PLPPR5: variants seen among roughly 807,000 people sequenced by gnomAD.
PLPPR5 encodes the protein phospholipid phosphatase-related protein type 5.
Under a neutral mutation model 33.9 loss-of-function variants are expected in PLPPR5, and 16 were observed. The ratio of observed to expected loss-of-function variants is 0.47; its 90% CI spans 0.32 to 0.72. PLPPR5 has a LOEUF of 0.72. Ranked by LOEUF, PLPPR5 falls within the 30% of genes least tolerant of loss-of-function variation. The pLI is 0.03. For missense variants in PLPPR5, 301 were observed against 406.7 expected (o/e 0.74, Z 2.23); for synonymous variants, 163 against 150.3 (o/e 1.08, Z -0.62).
chr1:98,908,315 C>T (rs1189732116), intron 5 of PLPPR5, among the ~76,000 whole-genome samples: 1 of 151,556 alleles, frequency 6.6e-6, no homozygotes, highest in Non-Finnish European at 1.5e-5. Context: ...AGTCAAAATG[C>T]CAAAAAAAAT....
intron 1 of PLPPR5, among the ~76,000 whole-genome samples, chr1:98,980,529 T>G (rs1652027027): frequency 6.6e-6 from 1 of 152,122 alleles, no homozygotes; most frequent in African/African-American, 2.4e-5. Context: ...ACCAAGCACA[T>G]TTAATCCTTA....
chr1:98,990,158 C>G (rs1171410281), intron 1 of PLPPR5, among the ~76,000 whole-genome samples: 1 of 152,096 alleles, frequency 6.6e-6, no homozygotes, highest in African/African-American at 2.4e-5. Context: ...TACCTGAGAT[C>G]AGGAGTTTGA....
At chr1:98,933,734 T>C (rs992653469) in intron 3 of PLPPR5, among the ~76,000 whole-genome samples, 6 of 151,926 alleles carry the variant, frequency 3.9e-5, no homozygotes, top group African/African-American at 1.5e-4. Flanking sequence ...CCAGAGAATG[T>C]TGGTTGATTT....
intron 5 of PLPPR5, among the ~76,000 whole-genome samples, chr1:98,904,811 G>C (rs1446393311): frequency 6.6e-6 from 1 of 152,184 alleles, no homozygotes; most frequent in Admixed American, 6.5e-5. Flanking sequence ...CGTGAAGAAA[G>C]AACAGGGAAA....
At chr1:98,893,911 AT>A (rs1312158184) in intron 5 of PLPPR5, among the ~76,000 whole-genome samples, 1 of 151,928 alleles carries the variant, frequency 6.6e-6, no homozygotes, top group Non-Finnish European at 1.5e-5. Flanking sequence ...TTTGCATTGG[AT>A]TTTTATAACA....
intron 1 of PLPPR5, among the ~76,000 whole-genome samples, chr1:98,978,980 G>T (rs188673895): frequency 8.0e-4 from 122 of 152,000 alleles, no homozygotes; most frequent in African/African-American, 2.8e-3. Flanking sequence ...TTGCTAAAAC[G>T]CATGTTCTCA....
intron 2 of PLPPR5, among the ~76,000 whole-genome samples, chr1:98,953,814 C>A (rs541928779): frequency 2.0e-5 from 3 of 152,290 alleles, no homozygotes; most frequent in African/African-American, 7.2e-5. Context: ...TGCCAATTAG[C>A]AGTAAATCCA....
chr1:98,903,165 T>C (rs1648760418), intron 5 of PLPPR5, among the ~76,000 whole-genome samples: 1 of 152,138 alleles, frequency 6.6e-6, no homozygotes, highest in South Asian at 2.1e-4. Context: ...GAACACAGTA[T>C]AGCATGTAAA....
At chr1:98,953,029 A>G (rs940167810) in intron 3 of PLPPR5, 41 bp downstream of exon 3, 1 of 1,605,762 alleles carries the variant, frequency 6.2e-7, no homozygotes, top group African/African-American at 1.3e-5. Context: ...AAAATTAACA[A>G]TAATACAGAC....
intron 3 of PLPPR5, among the ~76,000 whole-genome samples, chr1:98,949,428 C>A (rs1410737839): frequency 6.6e-6 from 1 of 152,136 alleles, no homozygotes; most frequent in Admixed American, 6.6e-5. Flanking sequence ...AAACATATTT[C>A]TCAGTTATTA....
At chr1:98,986,825 T>C (rs1224002785) in intron 1 of PLPPR5, among the ~76,000 whole-genome samples, 1 of 151,728 alleles carries the variant, frequency 6.6e-6, no homozygotes, top group Admixed American at 6.6e-5. Context: ...TCTTGGAGAG[T>C]TGATCTGCTC....
intron 3 of PLPPR5, among the ~76,000 whole-genome samples, chr1:98,937,240 T>G (rs1337977685): frequency 6.6e-6 from 1 of 152,180 alleles, no homozygotes; most frequent in Non-Finnish European, 1.5e-5. Context: ...CTAAGCAGTG[T>G]CAGTGATAAC....
rs373716559 is a variant in PLPPR5 at position 99,004,660 on chromosome 1, C to T, written c.12G>A (p.Leu4=). The change falls in exon 1 of 6, where the codon CTG becomes CTA. Residue 4 remains leucine, a synonymous_variant. Transcript: ENST00000263177. ...GCATGCTGCTGGTGAGCGCCGCGGG[C>T]AGCAGGGGCATGCACGCCTCCCGGG... MPL[L]PAALTSSMLY... is the part of the protein sequence containing the mutation. 1 of 1,610,422 alleles carries T rather than the reference C, an allele frequency of 6.2e-7. No homozygotes were observed. The highest frequency in any genetic ancestry group is 2.2e-5 in the East Asian group (1 of 44,512).
intron 5 of PLPPR5, among the ~76,000 whole-genome samples, chr1:98,914,523 G>A (rs1176148996): frequency 6.6e-6 from 1 of 152,130 alleles, no homozygotes; most frequent in African/African-American, 2.4e-5. Context: ...CTGGTTTCAA[G>A]TGATCTGCCT....
intron 1 of PLPPR5, among the ~76,000 whole-genome samples, chr1:98,976,115 G>T (rs1018905768): frequency 4.6e-5 from 4 of 87,132 alleles, no homozygotes; most frequent in Non-Finnish European, 6.9e-5. Context: ...AAAAAAAAAA[G>T]CCTAAATGAT....
At chr1:99,002,224 C>T (rs537761138) in intron 1 of PLPPR5, among the ~76,000 whole-genome samples, 14 of 152,056 alleles carry the variant, frequency 9.2e-5, no homozygotes, top group Non-Finnish European at 1.6e-4. Flanking sequence ...CCAAACCTAC[C>T]ACTTCCTTCT....
intron 1 of PLPPR5, among the ~76,000 whole-genome samples, chr1:98,994,268 G>C (rs1652558604): frequency 6.6e-6 from 1 of 151,976 alleles, no homozygotes; most frequent in Non-Finnish European, 1.5e-5. Flanking sequence ...AGGGCAGCAA[G>C]AATGGAAGCA....
chr1:98,948,700 G>A (rs1650651334), intron 3 of PLPPR5, among the ~76,000 whole-genome samples: 2 of 152,168 alleles, frequency 1.3e-5, no homozygotes, highest in Admixed American at 1.3e-4. Context: ...TGACCCTTGT[G>A]AGAAAGACCT....
rs185964356 is a variant in PLPPR5, at chr1:99,004,303, G to A, written c.237+132C>T. The A allele has an allele frequency of 3.4e-3, 2,628 of 762,074 alleles. 6 individuals are homozygous for A. The highest frequency in any genetic ancestry group is 4.6e-3 in the Non-Finnish European group (2,256 of 489,286). 47.2% of individuals were successfully genotyped at this position (762,074 alleles called of 1,614,324 possible). A position where few individuals can be genotyped will look rare whatever the true frequency, so the allele number is the denominator to read the frequency against. On this transcript the variant is annotated intron_variant, in intron 1 of 5. Coordinates refer to ENST00000263177, the MANE Select transcript of PLPPR5 (RefSeq NM_001037317.2). ...GCGCCCTAGAATGTCCTCTGGGGAA[G>A]GGGCTGCCCATAACTTGGAGGAACT... is the stretch of plus-strand genomic sequence containing the variant.
Sources: gnomAD v4.1 joint callset for allele counts (sites outside exome capture counted in the v4.1 genomes callset) on GRCh38, gnomAD v4.1.1 for gene constraint, MANE v1.5 for transcripts, NCBI Gene and HGNC (gene_info 2026-07-23, HGNC 2026-07-21) for gene names.